The following CDC42SE1 variants were observed in gnomAD, a reference collection of about 807,000 sequenced individuals.
CDC42SE1 encodes CDC42 small effector protein 1.
CDC42SE1 carries 10 observed loss-of-function variants against 10.9 expected under a neutral mutation model. The ratio of observed to expected loss-of-function variants is 0.92; its 90% CI spans 0.57 to 1.56. The LOEUF (loss-of-function observed/expected upper bound fraction) is 1.56. Among genes scored for constraint, CDC42SE1 ranks in the 40% most tolerant of loss-of-function variants. The probability of loss-of-function intolerance (pLI) is 0.00; values close to 1 mark genes in which losing one functional copy is unlikely to be tolerated. For synonymous variants in CDC42SE1, 24 were observed against 32.0 expected (o/e 0.75, Z 0.85); for missense variants, 81 against 100.8 (o/e 0.80, Z 0.84).
chr1:151,057,157 T>G lies in CDC42SE1; in HGVS notation c.-263-1164A>C, dbSNP rs970475240. On this transcript the variant is annotated intron_variant, in intron 1 of 4. Transcript: ENST00000357235. This position sits in a 1 kb window ranked among gnomAD's most constrained non-coding sequence, Gnocchi z 4.0. ...GGGCAGTTTCATAAATATGACACTTTAACATGAACAGGAATCTCCCTTTCT... is the reference window on the plus strand; with the variant it reads ...GGGCAGTTTCATAAATATGACACTTGAACATGAACAGGAATCTCCCTTTCT... Among the ~76,000 whole-genome samples, 1 of 152,220 alleles carries G rather than the reference T, an allele frequency of 6.6e-6. No homozygotes were observed. Among genetic ancestry groups the G allele is most frequent in the South Asian group, 2.1e-4 (1 of 4,832 alleles).
At position 151,051,144 on chromosome 1, in the gene CDC42SE1, T is replaced by G. The variant is rs1189178320; in HGVS notation, c.*2200A>C. 1 of 152,042 alleles carries G rather than the reference T, an allele frequency of 6.6e-6. No homozygotes were observed. Among genetic ancestry groups the G allele is most frequent in the Non-Finnish European group, 1.5e-5 (1 of 68,018 alleles). The allele number at this position is 152,042 out of a possible 1,614,324, so 9.4% of individuals were successfully genotyped here. On this transcript the variant is annotated 3_prime_UTR_variant, in exon 5 of 5. Coordinates refer to ENST00000357235, the MANE Select transcript of CDC42SE1 (RefSeq NM_020239.4). The stretch of plus-strand genomic sequence containing the variant: ...CAAGAGAGCACCAAAGGAAAAAGAC[T>G]GTCCAAAGAACAGGTATTAGAATGA...
intron 2 of CDC42SE1, chr1:151,055,406 G>A (rs80042626): frequency 0.013 from 7,775 of 597,258 alleles, 85 homozygotes; most frequent in South Asian, 0.027. Context: ...ATGAAATAAT[G>A]GGGAAAACTG....
intron 2 of CDC42SE1, 64 bp downstream of exon 2, chr1:151,055,613 G>T: frequency 7.5e-7 from 1 of 1,327,898 alleles, no homozygotes; most frequent in Non-Finnish European, 1.1e-6. Context: ...AGATGGTGTG[G>T]CTACCTCACA....
chr1:151,053,228 G>GA lies in CDC42SE1; in HGVS notation c.*115dup, dbSNP rs778348389. 1 of 152,794 alleles carries GA rather than the reference G, an allele frequency of 6.5e-6. No homozygotes were observed. Among genetic ancestry groups the GA allele is most frequent in the African/African-American group, 2.4e-5 (1 of 41,462 alleles). 9.5% of individuals were successfully genotyped at this position (152,794 alleles called of 1,614,324 possible). On this transcript the variant is annotated 3_prime_UTR_variant, in exon 5 of 5. Coordinates refer to ENST00000357235, the MANE Select transcript of CDC42SE1 (RefSeq NM_020239.4). ...TGTGAGGCACTGTTAGGCAGATAGG[G>GA]AAAAGAGGGGTCCTTAGATCACTGG... is the stretch of plus-strand genomic sequence containing the variant.
Position 151,055,816 on chromosome 1 carries a change from TC to T in CDC42SE1, c.-87del. The T allele has an allele frequency of 8.9e-7, 1 of 1,119,444 alleles. No individual in the cohort carries two copies. The highest frequency in any genetic ancestry group is 1.3e-6 in the Non-Finnish European group (1 of 747,612). 69.3% of individuals were successfully genotyped at this position (1,119,444 alleles called of 1,614,324 possible). ...TGTTTGGACAACCCACTCCTCACTC[TC>T]CCCAGATACACCACCACCCTGGGTT... On this transcript the variant is annotated 5_prime_UTR_variant, in exon 2 of 5. Coordinates refer to ENST00000357235, the MANE Select transcript of CDC42SE1 (RefSeq NM_020239.4).
chr1:151,054,208 G>A, intron 4 of CDC42SE1, 23 bp downstream of exon 4: 1 of 1,444,704 alleles, frequency 6.9e-7, no homozygotes, highest in African/African-American at 1.4e-5. Flanking sequence ...TGAGGTGTTA[G>A]ATGGGTTTCT....
Position 151,055,685 on chromosome 1 carries a change from G to T in CDC42SE1, c.46C>A (p.Pro16Thr), listed in dbSNP as rs1676265435. The part of the protein sequence containing the change: ...HKLGCCVVEK[P>T]QPKKKRRRID... ...GGGGTGGGGAGACTCACCGGCTGGGGTTTCTCTACCACACAGCAGCCCAGT... is the reference window on the plus strand; with the variant it reads ...GGGGTGGGGAGACTCACCGGCTGGGTTTTCTCTACCACACAGCAGCCCAGT... Residue 16 changes from proline (P) to threonine (T), a missense_variant, in exon 2 of 5, where the codon CCC becomes ACC. Pro to Thr is a conservative substitution (Grantham distance 38). Transcript: ENST00000357235. 6.2e-7 allele frequency: 1 copy of T among 1,613,106 alleles called. No homozygotes were observed. Among genetic ancestry groups the T allele is most frequent in the African/African-American group, 1.3e-5 (1 of 74,968 alleles).
Position 151,057,445 on chromosome 1 carries a change from C to A in CDC42SE1, c.-263-1452G>T, listed in dbSNP as rs1676299498. Among the ~76,000 whole-genome samples the A allele has an allele frequency of 6.6e-6, 1 of 151,922 alleles. No individual in the cohort carries two copies. The highest frequency in any genetic ancestry group is 2.4e-5 in the African/African-American group (1 of 41,328). On this transcript the variant is annotated intron_variant, in intron 1 of 4. Transcript: ENST00000357235. The surrounding 1 kb of genome is among the most constrained non-coding windows in gnomAD (Gnocchi z 4.0). Reference sequence around the variant, plus strand: ...GGCTGAGGCAGGAGAATCGCTTGAACCGGAGATTGCAGTGAGCCGAGATCG... The same window carrying A: ...GGCTGAGGCAGGAGAATCGCTTGAAACGGAGATTGCAGTGAGCCGAGATCG...
Position 151,055,932 on chromosome 1 carries a change from C to G in CDC42SE1, c.-202G>C. On this transcript the variant is annotated 5_prime_UTR_variant, in exon 2 of 5. Coordinates refer to ENST00000357235, the MANE Select transcript of CDC42SE1 (RefSeq NM_020239.4). Reference sequence around the variant, plus strand: ...AGTGTCTCAGAGCCTGAGAGATGAACAGGACCAGAGAGAGAGGTGGGCAGG... The same window carrying G: ...AGTGTCTCAGAGCCTGAGAGATGAAGAGGACCAGAGAGAGAGGTGGGCAGG... 1.6e-6 allele frequency: 1 copy of G among 608,414 alleles called. No individual in the cohort carries two copies. The highest frequency in any genetic ancestry group is 3.0e-6 in the Non-Finnish European group (1 of 337,220). 37.7% of individuals were successfully genotyped at this position (608,414 alleles called of 1,614,324 possible).
Position 151,055,837 on chromosome 1 carries a change from T to TG in CDC42SE1, c.-108dup. 1.1e-6 allele frequency: 1 copy of TG among 921,362 alleles called. No individual in the cohort carries two copies. Among genetic ancestry groups the TG allele is most frequent in the Non-Finnish European group, 1.8e-6 (1 of 571,322 alleles). 57.1% of individuals were successfully genotyped at this position (921,362 alleles called of 1,614,324 possible). On this transcript the variant is annotated 5_prime_UTR_variant, in exon 2 of 5. Transcript: ENST00000357235. The stretch of plus-strand genomic sequence containing the variant: ...ACTCTCCCCAGATACACCACCACCC[T>TG]GGGTTCACTCAGCTGGATGGGTCCA...
At position 151,054,230 on chromosome 1, in the gene CDC42SE1, C is replaced by A; in HGVS notation, c.*16+1G>T. ...TTAGATGGGTTTCTCTAATCACTCA[C>A]CATTCCATTATTGGAGCTATAAGCC... On this transcript the variant is annotated splice_donor_variant, in intron 4 of 4. Transcript: ENST00000357235. LOFTEE classifies it low-confidence loss of function (3UTR_SPLICE). The A allele has an allele frequency of 1.9e-6, 3 of 1,591,814 alleles. No homozygotes were observed. The highest frequency in any genetic ancestry group is 2.6e-6 in the Non-Finnish European group (3 of 1,160,030).
At chr1:151,053,834 T>A (rs1256226771) in intron 4 of CDC42SE1, among the ~76,000 whole-genome samples, 5 of 151,484 alleles carry the variant, frequency 3.3e-5, no homozygotes, top group Non-Finnish European at 2.9e-5. Flanking sequence ...TCTCCCATTC[T>A]TTTTTTATAT....
rs1026968830 is a variant in CDC42SE1, at chr1:151,052,395, C to G, written c.*949G>C. ...AGATGATTGTTTTCAACCTATTTATCTCACCATCCTCAATGATCAGAAGTC... is the reference window on the plus strand; with the variant it reads ...AGATGATTGTTTTCAACCTATTTATGTCACCATCCTCAATGATCAGAAGTC... On this transcript the variant is annotated 3_prime_UTR_variant, in exon 5 of 5. Transcript: ENST00000357235. 6.6e-6 allele frequency: 1 copy of G among 152,628 alleles called. No individual in the cohort carries two copies. The highest frequency in any genetic ancestry group is 2.4e-5 in the African/African-American group (1 of 41,440). The allele number at this position is 152,628 out of a possible 1,614,324, so 9.5% of individuals were successfully genotyped here. A position where few individuals can be genotyped will look rare whatever the true frequency, so the allele number is the denominator to read the frequency against.
intron 1 of CDC42SE1, chr1:151,056,559 T>C (rs1166763646): frequency 6.6e-6 from 1 of 152,140 alleles, no homozygotes; most frequent in Non-Finnish European, 1.5e-5. Context: ...AGGAATTTCT[T>C]CCCTCTCTGT....
Position 151,051,393 on chromosome 1 carries a change from GAAAAAAAAAAAAAA to G in CDC42SE1, c.*1937_*1950del, listed in dbSNP as rs71702880. 1.8e-4 allele frequency: 6 copies of G among 34,100 alleles called. 1 individual carries two copies. Among genetic ancestry groups the G allele is most frequent in the Admixed American group, 5.6e-4 (1 of 1,796 alleles). The allele number at this position is 34,100 out of a possible 1,614,324, so 2.1% of individuals were successfully genotyped here. Reference sequence around the variant, plus strand: ...AATGGCAGAAAATACATGGAAATTTGAAAAAAAAAAAAAAAAAAAAAAAAAAAGAACCTCAGTCA... The same window carrying G: ...AATGGCAGAAAATACATGGAAATTTGAAAAAAAAAAAAAGAACCTCAGTCA... On this transcript the variant is annotated 3_prime_UTR_variant, in exon 5 of 5. Transcript: ENST00000357235.
chr1:151,055,043 C>A lies in CDC42SE1; in HGVS notation c.138G>T (p.Glu46Asp). Residue 46 changes from glutamate (E) to aspartate (D), a missense_variant, in exon 3 of 5, where the codon GAG becomes GAT. Transcript: ENST00000357235. ...FVHLTHIGSGEMGAGDGLAMT... is the reference protein window; with the variant it reads ...FVHLTHIGSGDMGAGDGLAMT... ...TGGCAAGTCCATCTCCGGCCCCCATCTCCCCTGAGCCAATGTGAGTCAGGT... is the reference window on the plus strand; with the variant it reads ...TGGCAAGTCCATCTCCGGCCCCCATATCCCCTGAGCCAATGTGAGTCAGGT... 1 of 1,613,862 alleles carries A rather than the reference C, an allele frequency of 6.2e-7. No homozygotes were observed. The highest frequency in any genetic ancestry group is 8.5e-7 in the Non-Finnish European group (1 of 1,179,860).
Position 151,057,805 on chromosome 1 carries a change from G to C in CDC42SE1, c.-264+1674C>G, listed in dbSNP as rs1026578029. The C allele has an allele frequency of 6.6e-5, 10 of 152,160 alleles. No homozygotes were observed. The East Asian group carries it at 1.9e-3, about 29-fold the overall frequency. 9.4% of individuals were successfully genotyped at this position (152,160 alleles called of 1,614,324 possible). A position where few individuals can be genotyped will look rare whatever the true frequency, so the allele number is the denominator to read the frequency against. On this transcript the variant is annotated intron_variant, in intron 1 of 4. Transcript: ENST00000357235. The surrounding 1 kb of genome is among the most constrained non-coding windows in gnomAD (Gnocchi z 4.0). ...ACAAACACTCAAATGTAGCTTCTAG[G>C]GGAGGGGAGAACCCAGGAGGCTGGG...
chr1:151,059,434 G>C (rs1481543281), intron 1 of CDC42SE1, 45 bp downstream of exon 1: 1 of 152,706 alleles, frequency 6.5e-6, no homozygotes, highest in African/African-American at 2.4e-5. Context: ...CGCCTGGCCC[G>C]GCCGGCGCGG....
intron 3 of CDC42SE1, 128 bp from the exon 4 acceptor site, chr1:151,054,449 A>G (rs182929814): frequency 1.0e-4 from 77 of 760,040 alleles, no homozygotes; most frequent in South Asian, 1.9e-4. Flanking sequence ...GCTAACCACC[A>G]TTCCTCCTAG....
Sources: gnomAD v4.1 joint callset for allele counts (sites outside exome capture counted in the v4.1 genomes callset) on GRCh38, gnomAD v4.1.1 for gene constraint, Gnocchi (gnomAD v3.1) non-coding constraint, MANE v1.5 for transcripts, NCBI Gene and HGNC (gene_info 2026-07-23, HGNC 2026-07-21) for gene names.